The following DOCK4 variants were observed in gnomAD, a reference collection of about 807,000 sequenced individuals.
DOCK4 encodes dedicator of cytokinesis 4.
Under a neutral mutation model 268.1 loss-of-function variants are expected in DOCK4, and 97 were observed. The observed-to-expected ratio is 0.36, with a 90% CI of 0.31 to 0.43. The LOEUF is 0.43. Among genes scored for constraint, DOCK4 ranks in the 20% least tolerant of loss-of-function variants. DOCK4 has a pLI of 1.00. For synonymous variants in DOCK4, 954 were observed against 887.2 expected (o/e 1.08, Z -1.34); for missense variants, 2,145 against 2,455.7 (o/e 0.87, Z 2.67).
intron 1 of DOCK4, among the ~76,000 whole-genome samples, chr7:112,198,658 C>T (rs951457176): frequency 2.6e-5 from 4 of 152,158 alleles, no homozygotes; most frequent in Non-Finnish European, 5.9e-5. Flanking sequence ...AAATTCAATA[C>T]TGCTCATATT....
chr7:111,895,902 C>A (rs1461304259), intron 15 of DOCK4, among the ~76,000 whole-genome samples, 184 bp from the exon 16 acceptor site: 1 of 152,170 alleles, frequency 6.6e-6, no homozygotes, highest in Non-Finnish European at 1.5e-5. Flanking sequence ...TTCCTGCCCC[C>A]TTATCTGCAA....
chr7:111,780,367 T>C (rs952464876), intron 35 of DOCK4, among the ~76,000 whole-genome samples: 2 of 152,242 alleles, frequency 1.3e-5, no homozygotes, highest in Non-Finnish European at 2.9e-5. Context: ...GTCTCTCTTA[T>C]TATAACCAAA....
intron 8 of DOCK4, among the ~76,000 whole-genome samples, chr7:111,951,714 C>T (rs1796065310): frequency 6.6e-6 from 1 of 151,134 alleles, no homozygotes; most frequent in African/African-American, 2.4e-5. Flanking sequence ...TGGCACATTC[C>T]TATAATCCCA....
In DOCK4 at chr7:111,727,749, A is replaced by G. The variant is rs1327579157; in HGVS notation, c.*525T>C. On this transcript the variant is annotated 3_prime_UTR_variant, in exon 53 of 53. Coordinates refer to ENST00000428084, the MANE Select transcript of DOCK4 (RefSeq NM_001363540.2). Reference sequence around the variant, plus strand: ...AAGAACAAAACAATTTCCAGTCCCAAGCTTTGCAACCCCTTAAGTATACTG... The same window carrying G: ...AAGAACAAAACAATTTCCAGTCCCAGGCTTTGCAACCCCTTAAGTATACTG... 1 of 152,364 alleles carries G rather than the reference A, an allele frequency of 6.6e-6. No homozygotes were observed. The highest frequency in any genetic ancestry group is 6.5e-5 in the Admixed American group (1 of 15,280). 9.4% of individuals were successfully genotyped at this position (152,364 alleles called of 1,614,324 possible).
chr7:112,175,546 A>G (rs913413555), intron 1 of DOCK4, among the ~76,000 whole-genome samples: 5 of 152,164 alleles, frequency 3.3e-5, no homozygotes, highest in Non-Finnish European at 5.9e-5. Context: ...AGAAATTGAC[A>G]TATGTATATA....
intron 12 of DOCK4, among the ~76,000 whole-genome samples, chr7:111,920,298 C>G (rs1287944126): frequency 6.6e-6 from 1 of 152,164 alleles, no homozygotes; most frequent in Middle Eastern, 3.2e-3. Context: ...TTAAAATGTT[C>G]TCACTGCTAT....
intron 26 of DOCK4, among the ~76,000 whole-genome samples, chr7:111,825,958 C>T (rs1802356845): frequency 6.6e-6 from 1 of 152,118 alleles, no homozygotes; most frequent in Non-Finnish European, 1.5e-5. Context: ...TTACTATGTG[C>T]CAGGCACTGT....
intron 12 of DOCK4, among the ~76,000 whole-genome samples, chr7:111,923,898 C>T (rs189109152): frequency 3.5e-4 from 54 of 152,238 alleles, no homozygotes; most frequent in Non-Finnish European, 4.0e-4. Context: ...TTAAGTAGTC[C>T]ACTGATTTCT....
chr7:111,992,402 G>C (rs754859714), intron 5 of DOCK4, among the ~76,000 whole-genome samples: 35 of 152,128 alleles, frequency 2.3e-4, no homozygotes, highest in Non-Finnish European at 3.8e-4. Context: ...AGAAACCAAA[G>C]GTCTGACATG....
At position 111,872,526 on chromosome 7, in the gene DOCK4, C is replaced by T. The variant is rs1165960009; in HGVS notation, c.1783G>A (p.Asp595Asn). The T allele has an allele frequency of 6.2e-7, 1 of 1,604,188 alleles. No individual in the cohort carries two copies. Among genetic ancestry groups the T allele is most frequent in the Non-Finnish European group, 8.5e-7 (1 of 1,174,796 alleles). The change falls in exon 18 of 53, where the codon GAC (aspartate) becomes AAC (asparagine). Residue 595 changes from aspartate to asparagine, a missense_variant. By Grantham distance (23) the Asp-to-Asn change is conservative. Around this residue, in one of 2 missense-constraint regions of DOCK4, gnomAD observed 1,598 missense variants for 1,986.7 expected, o/e 0.80. Coordinates refer to ENST00000428084, the MANE Select transcript of DOCK4 (RefSeq NM_001363540.2). The part of the protein sequence containing the change: ...LDLLKWRTHP[D>N]KITGCLSKLK... Reference sequence around the variant, plus strand: ...TTAGAGAGACAGCCAGTGATCTTGTCTGGGTGGGTTCTCCATTTCAAAAGA... The same window carrying T: ...TTAGAGAGACAGCCAGTGATCTTGTTTGGGTGGGTTCTCCATTTCAAAAGA...
intron 12 of DOCK4, among the ~76,000 whole-genome samples, chr7:111,917,442 G>A (rs976498316): frequency 4.0e-5 from 6 of 151,894 alleles, no homozygotes; most frequent in East Asian, 1.9e-4. Flanking sequence ...GGCCGGGTGC[G>A]GTGGCTCACA....
intron 1 of DOCK4, among the ~76,000 whole-genome samples, chr7:112,171,922 G>C (rs986688679): frequency 6.6e-6 from 1 of 152,162 alleles, no homozygotes; most frequent in Non-Finnish European, 1.5e-5. Flanking sequence ...GCAGATGGCT[G>C]TCCTCTTGCT....
chr7:112,071,371 C>A (rs933868795), intron 1 of DOCK4, among the ~76,000 whole-genome samples: 2 of 152,096 alleles, frequency 1.3e-5, no homozygotes, highest in African/African-American at 4.8e-5. Context: ...CAGCACCTGG[C>A]AGAGTGTATT....
At chr7:112,160,354 C>T (rs776815611) in intron 1 of DOCK4, among the ~76,000 whole-genome samples, 6 of 152,202 alleles carry the variant, frequency 3.9e-5, no homozygotes, top group Admixed American at 2.6e-4. Flanking sequence ...TGTACACTCA[C>T]ACAATGCCAG....
chr7:111,999,054 C>T (rs189765499), intron 3 of DOCK4, among the ~76,000 whole-genome samples: 1 of 152,064 alleles, frequency 6.6e-6, no homozygotes, highest in African/African-American at 2.4e-5. Context: ...AGAAATCAAA[C>T]AAAAGAAGCC....
intron 52 of DOCK4, among the ~76,000 whole-genome samples, chr7:111,729,943 C>T (rs1312373366): frequency 6.6e-6 from 1 of 152,232 alleles, no homozygotes. Context: ...TCAAATTTCA[C>T]ATGAAACTCC....
chr7:111,753,910 G>C (rs1796855398), intron 42 of DOCK4, among the ~76,000 whole-genome samples: 1 of 152,204 alleles, frequency 6.6e-6, no homozygotes, highest in Non-Finnish European at 1.5e-5. Flanking sequence ...GTAGGCAGCT[G>C]ATGTTTGAAA....
chr7:112,126,966 T>C (rs1306401578), intron 1 of DOCK4, among the ~76,000 whole-genome samples: 2 of 152,120 alleles, frequency 1.3e-5, no homozygotes, highest in Admixed American at 1.3e-4. Flanking sequence ...TTGGTGGGAC[T>C]GTAAACTAGT....
chr7:112,049,049 A>C (rs1805115191), intron 1 of DOCK4, among the ~76,000 whole-genome samples: 1 of 152,242 alleles, frequency 6.6e-6, no homozygotes, highest in South Asian at 2.1e-4. Flanking sequence ...TAGTGAAGGA[A>C]GCCCTTCAGG....
Sources: allele counts gnomAD v4.1 joint callset (sites outside exome capture counted in the v4.1 genomes callset), GRCh38; gene constraint gnomAD v4.1.1; regional missense constraint gnomAD v4.1.1; transcripts MANE v1.5; gene names NCBI Gene and HGNC (gene_info 2026-07-23, HGNC 2026-07-21).